The following CRISP2 variants were observed in gnomAD, a reference collection of about 807,000 sequenced individuals.
CRISP2 encodes cysteine-rich secretory protein 2.
CRISP2 carries 29 observed loss-of-function variants against 31.7 expected under a neutral mutation model. That is an observed-to-expected ratio of 0.92 (90% confidence interval 0.68 to 1.25). The LOEUF (loss-of-function observed/expected upper bound fraction) is 1.25. Among genes scored for constraint, CRISP2 ranks in the 50% most tolerant of loss-of-function variants. The probability of loss-of-function intolerance (pLI) is 0.00; values close to 1 mark genes in which losing one functional copy is unlikely to be tolerated. For missense variants in CRISP2, 318 were observed against 286.5 expected, an observed-to-expected ratio of 1.11 and a Z score of -0.79; for synonymous variants, 111 against 101.4, an observed-to-expected ratio of 1.09 and a Z score of -0.57.
At chr6:49,712,242 T>A (rs879638572) in intron 2 of CRISP2, among the ~76,000 whole-genome samples, 1 of 152,218 alleles carries the variant, frequency 6.6e-6, no homozygotes, top group Admixed American at 6.5e-5. Context: ...AATCACCCAG[T>A]GTATGCATCT....
intron 7 of CRISP2, 23 bp downstream of exon 7, chr6:49,698,339 G>A: frequency 6.2e-7 from 1 of 1,611,132 alleles, no homozygotes; most frequent in Non-Finnish European, 8.5e-7. Context: ...TGTGACATAG[G>A]TATTTTCATG....
chr6:49,679,690 T>TG, the CRISP2 span, among the ~76,000 whole-genome samples: 5 of 12,462 alleles, frequency 4.0e-4, no homozygotes, highest in African/African-American at 2.5e-3. Flanking sequence ...AGTGTTGTTG[T>TG]TTTTTTTTGA....
Position 49,698,386 on chromosome 6 carries a change from A to T in CRISP2, c.393T>A (p.Asn131Lys), listed in dbSNP as rs144877804. 1.2e-6 allele frequency: 2 copies of T among 1,613,336 alleles called. No individual in the cohort carries two copies. The highest frequency in any genetic ancestry group is 1.3e-5 in the African/African-American group (1 of 74,984). ...CCTGAGTATAATGTCCAACAACTGC[A>T]TTGGGACTCTTTGGTCCTACACCAT... ...FVYGVGPKSP[N>K]AVVGHYTQLV... Residue 131 changes from asparagine to lysine, a missense_variant, in exon 7 of 10, where the codon AAT becomes AAA. Coordinates refer to ENST00000339139, the MANE Select transcript of CRISP2 (RefSeq NM_003296.4).
In CRISP2 at chr6:49,702,944, T is replaced by C. The variant is rs1353490822; in HGVS notation, c.67-2160A>G. On this transcript the variant is annotated intron_variant, in intron 4 of 9. Transcript: ENST00000339139. ...CTGATGTTATCTTCTAGAGTTTACA[T>C]GGTTTGGTCTTAGATTTAAGTATTT... is the stretch of plus-strand genomic sequence containing the variant. Among the ~76,000 whole-genome samples, 3 of 152,126 alleles carry C rather than the reference T, an allele frequency of 2.0e-5. No individual in the cohort carries two copies. The East Asian group carries it at 5.8e-4, about 29-fold the overall frequency.
chr6:49,701,396 G>C (rs1765653121), intron 4 of CRISP2, among the ~76,000 whole-genome samples: 1 of 150,454 alleles, frequency 6.6e-6, no homozygotes, highest in Admixed American at 6.7e-5. Flanking sequence ...CCATTTCTGA[G>C]TTACGTCACT....
Position 49,698,013 on chromosome 6 carries a change from A to G in CRISP2, c.418-56T>C, listed in dbSNP as rs113090517. ...AAGTACATTAGAGAAGATGAAAAAT[A>G]TTTAAAAAAGTAGCAAATATAAAAC... On this transcript the variant is annotated intron_variant, in intron 7 of 9. Coordinates refer to ENST00000339139, the MANE Select transcript of CRISP2 (RefSeq NM_003296.4). 1,840 of 1,359,146 alleles carry G rather than the reference A, an allele frequency of 1.4e-3. 16 individuals are homozygous for G. In the African/African-American group the frequency reaches 0.023, roughly 17 times the overall value. The allele number at this position is 1,359,146 out of a possible 1,614,324, so 84.2% of individuals were successfully genotyped here. A position where few individuals can be genotyped will look rare whatever the true frequency, so the allele number is the denominator to read the frequency against.
rs1187885463 is a variant in CRISP2, at chr6:49,699,893, T to C, written c.184-2A>G. 5 of 1,611,748 alleles carry C rather than the reference T, an allele frequency of 3.1e-6. No homozygotes were observed. The highest frequency in any genetic ancestry group is 4.2e-6 in the Non-Finnish European group (5 of 1,178,538). On this transcript the variant is annotated splice_acceptor_variant, in intron 5 of 9. Transcript: ENST00000339139. LOFTEE classifies it high-confidence loss of function. ...CGTTGTTACCTCTCTGCTCCATTCC[T>C]AAACGTCACAAGAAAACAAAATACA...
At chr6:49,708,916 A>G (rs1172299827) in intron 4 of CRISP2, among the ~76,000 whole-genome samples, 1 of 152,202 alleles carries the variant, frequency 6.6e-6, no homozygotes, top group Non-Finnish European at 1.5e-5. Context: ...AGTGTTCAGT[A>G]GTCACATGTG....
downstream of CRISP2, among the ~76,000 whole-genome samples, chr6:49,690,393 GAAATTA>G (rs1414634285): frequency 6.6e-6 from 1 of 152,016 alleles, no homozygotes; most frequent in Non-Finnish European, 1.5e-5. Flanking sequence ...ACATTTGACT[GAAATTA>G]AAATTAAATA....
chr6:49,706,803 T>A (rs1442537728), intron 4 of CRISP2, among the ~76,000 whole-genome samples: 1 of 152,222 alleles, frequency 6.6e-6, no homozygotes, highest in Non-Finnish European at 1.5e-5. Flanking sequence ...CTTATTGCCA[T>A]TATCTACAAT....
intron 9 of CRISP2, among the ~76,000 whole-genome samples, chr6:49,694,570 A>T (rs1315524444): frequency 6.6e-6 from 1 of 151,802 alleles, no homozygotes; most frequent in African/African-American, 2.4e-5. Flanking sequence ...TCTTTCCCCC[A>T]AGTGGACAGT....
intron 4 of CRISP2, among the ~76,000 whole-genome samples, chr6:49,701,742 G>A (rs1384207920): frequency 2.5e-5 from 2 of 80,284 alleles, no homozygotes; most frequent in East Asian, 3.9e-4. Flanking sequence ...ATATATACAC[G>A]GTATATATAT....
Position 49,692,907 on chromosome 6 carries a change from C to T in CRISP2, c.605-7G>A, listed in dbSNP as rs1315468385. On this transcript the variant is annotated splice_region_variant and splice_polypyrimidine_tract_variant and intron_variant, in intron 9 of 9. Coordinates refer to ENST00000339139, the MANE Select transcript of CRISP2 (RefSeq NM_003296.4). ...TGATACTGGCAACTATTGGCTGTAA[C>T]AAAAACAGATTAGTTAACTCATTAT... 4 of 1,612,328 alleles carry T rather than the reference C, an allele frequency of 2.5e-6. No homozygotes were observed. The highest frequency in any genetic ancestry group is 2.2e-5 in the South Asian group (2 of 90,920).
At chr6:49,693,281 G>T (rs1249602556) in intron 9 of CRISP2, among the ~76,000 whole-genome samples, 1 of 152,122 alleles carries the variant, frequency 6.6e-6, no homozygotes, top group Non-Finnish European at 1.5e-5. Flanking sequence ...GGAGCCATTA[G>T]CCACACAGAG....
chr6:49,700,220 T>G (rs574725619), intron 5 of CRISP2, among the ~76,000 whole-genome samples: 1 of 152,172 alleles, frequency 6.6e-6, no homozygotes, highest in Non-Finnish European at 1.5e-5. Context: ...TTAATAGTAA[T>G]AAGATGGCCA....
rs115131521 is a variant in CRISP2, at chr6:49,708,929, C to T, written c.66+202G>A. ...CAAGTGTTCAGTAGTCACATGTGAC[C>T]GGTGGCTAGCATACACATGCAGAAC... On this transcript the variant is annotated intron_variant, in intron 4 of 9. Transcript: ENST00000339139. Among the ~76,000 whole-genome samples the T allele has an allele frequency of 1.6e-3, 240 of 152,216 alleles. 2 individuals are homozygous for T. Among genetic ancestry groups the T allele is most frequent in the African/African-American group, 5.4e-3 (225 of 41,532 alleles).
chr6:49,682,561 CTCTTTCTTTCTT>C, the CRISP2 span, among the ~76,000 whole-genome samples: 1 of 105,892 alleles, frequency 9.4e-6, no homozygotes, highest in African/African-American at 4.0e-5. Flanking sequence ...CTCCATCTTT[CTCTTTCTTTCTT>C]TTTCTTTCTT....
At chr6:49,713,369 G>A (rs1768378742) in intron 1 of CRISP2, 106 bp downstream of exon 1, 1 of 152,222 alleles carries the variant, frequency 6.6e-6, no homozygotes, top group Non-Finnish European at 1.5e-5. Context: ...CGGAAGAGGA[G>A]CGAAGGAGGA....
In CRISP2 at chr6:49,697,804, T is replaced by G. The variant is rs749384640; in HGVS notation, c.515+56A>C. The G allele has an allele frequency of 3.1e-6, 5 of 1,604,976 alleles. No homozygotes were observed. The East Asian group carries it at 1.1e-4, about 36-fold the overall frequency. ...TTCTGGTTTAAGATATGAGAATTAT[T>G]AAAAAATAAATTGCAGATAGAATTA... On this transcript the variant is annotated intron_variant, in intron 8 of 9. Coordinates refer to ENST00000339139, the MANE Select transcript of CRISP2 (RefSeq NM_003296.4).
Sources: allele counts gnomAD v4.1 joint callset (sites outside exome capture counted in the v4.1 genomes callset), GRCh38; gene constraint gnomAD v4.1.1; transcripts MANE v1.5; gene names NCBI Gene and HGNC (gene_info 2026-07-23, HGNC 2026-07-21).